Variants in AP3B1 observed in about 807,000 individuals in gnomAD.
The protein encoded by AP3B1 is adaptor related protein complex 3 subunit beta 1, also known as AP-3 complex subunit beta-1.
In AP3B1, 61 loss-of-function variants were observed where a neutral mutation model predicts 132.5. That is an observed-to-expected ratio of 0.46 (90% confidence interval 0.37 to 0.57). The LOEUF (loss-of-function observed/expected upper bound fraction) is 0.57, where lower values mean the gene tolerates loss of function less well. Among genes scored for constraint, AP3B1 ranks in the 20% least tolerant of loss-of-function variants. The probability of loss-of-function intolerance (pLI) is 0.00; values close to 1 mark genes in which losing one functional copy is unlikely to be tolerated. For synonymous variants in AP3B1, 388 were observed against 438.3 expected, an observed-to-expected ratio of 0.89 and a Z score of 1.43; for missense variants, 1,120 against 1,289.4, an observed-to-expected ratio of 0.87 and a Z score of 2.01.
intron 14 of AP3B1, among the ~76,000 whole-genome samples, chr5:78,141,533 G>GA (rs1241402433): frequency 6.6e-6 from 1 of 152,096 alleles, no homozygotes; most frequent in African/African-American, 2.4e-5. Context: ...GAATATCTTA[G>GA]AAAATATTCA....
At chr5:78,151,786 C>G (rs970135167) in intron 14 of AP3B1, among the ~76,000 whole-genome samples, 43 of 151,854 alleles carry the variant, frequency 2.8e-4, no homozygotes, top group African/African-American at 9.9e-4. Context: ...CATTGATATT[C>G]AACAGATGCT....
chr5:78,281,589 T>A (rs1168421672), intron 1 of AP3B1, among the ~76,000 whole-genome samples: 6 of 152,194 alleles, frequency 3.9e-5, no homozygotes, highest in Non-Finnish European at 8.8e-5. Context: ...GAAACTTTTT[T>A]TATAGTTTTG....
chr5:78,251,229 T>C (rs1219808330), intron 2 of AP3B1, among the ~76,000 whole-genome samples: 1 of 152,058 alleles, frequency 6.6e-6, no homozygotes, highest in Non-Finnish European at 1.5e-5. Context: ...AAACAGATTC[T>C]CTAAAAGAGA....
At chr5:78,228,752 T>C (rs1289355928) in intron 3 of AP3B1, among the ~76,000 whole-genome samples, 1 of 152,204 alleles carries the variant, frequency 6.6e-6, no homozygotes, top group Non-Finnish European at 1.5e-5. Context: ...TGGGAACTTG[T>C]TTCCTCATCT....
chr5:78,080,148 A>G (rs1749928752), intron 22 of AP3B1, among the ~76,000 whole-genome samples: 1 of 152,064 alleles, frequency 6.6e-6, no homozygotes, highest in Non-Finnish European at 1.5e-5. Flanking sequence ...AGCTGGAACC[A>G]CAGGTGTGTG....
chr5:78,121,642 C>T (rs1319015475), intron 17 of AP3B1: 1 of 152,100 alleles, frequency 6.6e-6, no homozygotes, highest in Admixed American at 6.6e-5. Flanking sequence ...AAGACTAAAC[C>T]AGGAAGAAGT....
chr5:78,283,719 C>T (rs1749156084), intron 1 of AP3B1, among the ~76,000 whole-genome samples: 1 of 152,212 alleles, frequency 6.6e-6, no homozygotes, highest in African/African-American at 2.4e-5. Context: ...AACACTTACC[C>T]TCCTCACTCC....
At chr5:78,184,686 CAA>C in intron 7 of AP3B1, among the ~76,000 whole-genome samples, 1 of 110,548 alleles carries the variant, frequency 9.0e-6, no homozygotes, top group African/African-American at 3.6e-5. Context: ...GACACTGTCT[CAA>C]AAAAAAAAAA....
chr5:78,034,150 T>G (rs1747697973), intron 24 of AP3B1, among the ~76,000 whole-genome samples: 2 of 152,026 alleles, frequency 1.3e-5, no homozygotes, highest in Admixed American at 1.3e-4. Context: ...TATGGCAGGT[T>G]GTAATGGCTA....
At chr5:78,091,930 T>C (rs1350091393) in intron 21 of AP3B1, among the ~76,000 whole-genome samples, 1 of 152,154 alleles carries the variant, frequency 6.6e-6, no homozygotes, top group Admixed American at 6.5e-5. Context: ...AAAAAGAGCA[T>C]TTAATATTGA....
chr5:78,065,036 G>A (rs1276693715), intron 22 of AP3B1, among the ~76,000 whole-genome samples: 2 of 152,112 alleles, frequency 1.3e-5, no homozygotes, highest in Non-Finnish European at 1.5e-5. Flanking sequence ...TGGTTGGCAC[G>A]ACCCACGGAG....
intron 15 of AP3B1, among the ~76,000 whole-genome samples, chr5:78,137,868 C>A (rs1752982833): frequency 6.6e-6 from 1 of 152,096 alleles, no homozygotes; most frequent in Non-Finnish European, 1.5e-5. Context: ...TTATAAAAAT[C>A]AATTTAGACA....
intron 22 of AP3B1, 145 bp from the exon 23 acceptor site, chr5:78,039,419 C>T (rs530259943): frequency 4.3e-6 from 3 of 699,998 alleles, no homozygotes. Context: ...TAGGATATCA[C>T]ACACATAGAT....
intron 22 of AP3B1, among the ~76,000 whole-genome samples, chr5:78,064,135 C>CAGAT (rs1223927222): frequency 3.3e-5 from 5 of 150,008 alleles, no homozygotes; most frequent in African/African-American, 1.2e-4. Flanking sequence ...AGATCATGTA[C>CAGAT]AGATATATAC....
At chr5:78,157,434 T>C (rs1203607973) in intron 13 of AP3B1, among the ~76,000 whole-genome samples, 1 of 152,132 alleles carries the variant, frequency 6.6e-6, no homozygotes, top group Non-Finnish European at 1.5e-5. Flanking sequence ...CTACTGGAGG[T>C]GGATAGGAAG....
chr5:78,153,810 T>G (rs7719729), intron 14 of AP3B1, among the ~76,000 whole-genome samples: 8,711 of 152,234 alleles, frequency 0.057, 391 homozygotes, highest in Non-Finnish European at 0.085. Context: ...ACAACACTGA[T>G]TGCATACACA....
chr5:78,096,453 C>T (rs1253830346), intron 21 of AP3B1, among the ~76,000 whole-genome samples: 1 of 151,748 alleles, frequency 6.6e-6, no homozygotes, highest in Non-Finnish European at 1.5e-5. Flanking sequence ...AAGTGAGGAG[C>T]GTCTCTGCCT....
At chr5:78,132,626 T>C (rs1212411222) in intron 15 of AP3B1, among the ~76,000 whole-genome samples, 1 of 152,240 alleles carries the variant, frequency 6.6e-6, no homozygotes, top group African/African-American at 2.4e-5. Flanking sequence ...CACAGAATTA[T>C]ATAAACATCT....
chr5:78,162,636 A>G (rs1423154632), intron 13 of AP3B1, among the ~76,000 whole-genome samples, 183 bp downstream of exon 13: 1 of 152,204 alleles, frequency 6.6e-6, no homozygotes, highest in East Asian at 1.9e-4. Context: ...TTACTAAAAA[A>G]AAAAGAACCC....
Sources: gnomAD v4.1 joint callset for allele counts (sites outside exome capture counted in the v4.1 genomes callset) on GRCh38, gnomAD v4.1.1 for gene constraint, MANE v1.5 for transcripts, NCBI Gene and HGNC (gene_info 2026-07-23, HGNC 2026-07-21) for gene names.